Variants in TMEM67 observed in about 807,000 individuals in gnomAD.
TMEM67 encodes the protein transmembrane protein 67.
A neutral mutation model predicts 136.6 loss-of-function variants in TMEM67; 124 were observed. The observed-to-expected ratio is 0.91, with a 90% CI of 0.78 to 1.05. TMEM67 has a LOEUF of 1.05. TMEM67 is among the 50% of genes least tolerant of loss of function. TMEM67 has a pLI of 0.00. For missense variants in TMEM67, 1,107 were observed against 1,178.4 expected (o/e 0.94, Z 0.89); for synonymous variants, 364 against 390.5 (o/e 0.93, Z 0.80).
At chr8:93,830,247 G>A in the TMEM67 span, among the ~76,000 whole-genome samples, 1 of 152,162 alleles carries the variant, frequency 6.6e-6, no homozygotes, top group African/African-American at 2.4e-5. Context: ...CCTGGAGGGT[G>A]GAGTGCCTGT....
chr8:93,795,811 CA>C lies in TMEM67; in HGVS notation c.1774-81del, dbSNP rs534766152. 0.029 allele frequency: 29,445 copies of C among 1,025,676 alleles called. 481 individuals are homozygous for C. Among genetic ancestry groups the C allele is most frequent in the Non-Finnish European group, 0.036 (24,641 of 688,460 alleles). The allele number at this position is 1,025,676 out of a possible 1,614,324, so 63.5% of individuals were successfully genotyped here. ...GCAGCATACTGAGACCCTCCTTTCC[CA>C]AAAAAAAACAAAAACGAAAACAAAA... On this transcript the variant is annotated intron_variant, in intron 17 of 27. Transcript: ENST00000453321.
chr8:93,794,700 C>CT (rs1814528723), intron 16 of TMEM67: 1 of 152,354 alleles, frequency 6.6e-6, no homozygotes, highest in Non-Finnish European at 1.5e-5. Context: ...GAGAAATGAA[C>CT]TTTAAGTGGG....
intron 2 of TMEM67, chr8:93,757,104 T>TA (rs745627412): frequency 6.7e-6 from 1 of 148,910 alleles, no homozygotes. Context: ...AATAAATAAA[T>TA]AAATAAATAA....
intron 21 of TMEM67, among the ~76,000 whole-genome samples, chr8:93,803,304 T>G (rs1814947256): frequency 6.6e-6 from 1 of 152,152 alleles, no homozygotes; most frequent in Non-Finnish European, 1.5e-5. Context: ...CATTGATATA[T>G]CCTACATTTT....
chr8:93,787,441 C>T (rs1814164151), intron 13 of TMEM67, among the ~76,000 whole-genome samples: 1 of 152,126 alleles, frequency 6.6e-6, no homozygotes, highest in Non-Finnish European at 1.5e-5. Flanking sequence ...ATTCATCTTT[C>T]TCTTTTGAAA....
At chr8:93,816,082 T>A (rs1198768711) in intron 27 of TMEM67, among the ~76,000 whole-genome samples, 1 of 152,224 alleles carries the variant, frequency 6.6e-6, no homozygotes, top group African/African-American at 2.4e-5. Flanking sequence ...TTTCCGTAGT[T>A]TTAGACTTAG....
rs1808573321 is a variant in TMEM67 at position 93,808,840 on chromosome 8, G to A, written c.2440G>A (p.Glu814Lys). 2 of 1,597,054 alleles carry A rather than the reference G, an allele frequency of 1.3e-6. No individual in the cohort carries two copies. Among genetic ancestry groups the A allele is most frequent in the Non-Finnish European group, 8.6e-7 (1 of 1,165,350 alleles). ...TAACTTAAATTCTTTAACTTTTCAG[G>A]AAAATTTGTGTAGCCAGAGAGGTTT... ...EMNMNLKREA[E>K]NLCSQRGLVP... The change falls in exon 24 of 28, where the codon GAA (glutamate) becomes AAA (lysine). Residue 814 changes from glutamate (E) to lysine (K), a missense_variant and splice_region_variant. Physicochemically the swap from Glu to Lys is moderately conservative, Grantham distance 56. This residue lies in a region of TMEM67 where 925 missense variants were observed against 1,002.4 expected (regional missense o/e 0.92). Transcript: ENST00000453321.
Position 93,776,824 on chromosome 8 carries a change from G to T in TMEM67, c.715-3769G>T, listed in dbSNP as rs547440237. 2.6e-5 allele frequency among the ~76,000 whole-genome samples: 4 copies of T among 152,162 alleles called. No homozygotes were observed. In the South Asian group the frequency reaches 6.2e-4, roughly 24 times the overall value. The stretch of plus-strand genomic sequence containing the variant: ...TGGTCTAAAATTCTCTTTTTTTGTT[G>T]TATCTCTGCCAGGCTTTGGTATCAG... On this transcript the variant is annotated intron_variant, in intron 7 of 27. Transcript: ENST00000453321.
chr8:93,759,625 C>CT (rs1244195517), intron 3 of TMEM67: 9 of 158,834 alleles, frequency 5.7e-5, no homozygotes, highest in African/African-American at 9.7e-5. Flanking sequence ...TAGGCATATC[C>CT]TTTTTTTTAA....
the TMEM67 span, among the ~76,000 whole-genome samples, chr8:93,824,487 A>G: frequency 6.6e-6 from 1 of 152,118 alleles, no homozygotes; most frequent in African/African-American, 2.4e-5. Context: ...CTCCAAACCC[A>G]TTCCTCTTAT....
At chr8:93,782,301 T>C in intron 10 of TMEM67, 94 bp from the exon 11 acceptor site, 1 of 870,326 alleles carries the variant, frequency 1.1e-6, no homozygotes, top group Non-Finnish European at 1.9e-6. Flanking sequence ...ATAAGTATTA[T>C]GTAGAGCATA....
intron 9 of TMEM67, 48 bp from the exon 10 acceptor site, chr8:93,781,610 A>G (rs756736671): frequency 1.1e-6 from 1 of 872,134 alleles, no homozygotes; most frequent in East Asian, 2.5e-5. Flanking sequence ...AGGATATTGT[A>G]TTACTTTCAG....
At chr8:93,807,030 A>G (rs1308905298) in intron 23 of TMEM67, among the ~76,000 whole-genome samples, 1 of 152,146 alleles carries the variant, frequency 6.6e-6, no homozygotes. Context: ...ATAGACACTA[A>G]TAAAGCTCTA....
chr8:93,807,237 G>T (rs1048651514), intron 23 of TMEM67, among the ~76,000 whole-genome samples: 6 of 152,094 alleles, frequency 3.9e-5, no homozygotes, highest in African/African-American at 1.2e-4. Context: ...TATATACCAA[G>T]AGCTTTTTAA....
downstream of TMEM67, chr8:93,818,927 A>G (rs1808995633): frequency 2.8e-6 from 1 of 363,330 alleles, no homozygotes; most frequent in South Asian, 2.2e-5. Flanking sequence ...TCAGCCTCCC[A>G]AGTAGCTGGA....
intron 2 of TMEM67, among the ~76,000 whole-genome samples, chr8:93,757,635 C>CAA (rs879794660): frequency 3.2e-5 from 3 of 94,060 alleles, no homozygotes; most frequent in African/African-American, 3.9e-5. Flanking sequence ...GACTCTGTCT[C>CAA]AAAAAAAAAA....
chr8:93,783,849 A>G (rs557180063), intron 11 of TMEM67, among the ~76,000 whole-genome samples: 41 of 152,338 alleles, frequency 2.7e-4, no homozygotes, highest in Admixed American at 7.8e-4. Context: ...TATCATGAGA[A>G]CAGCATGAGG....
downstream of TMEM67, among the ~76,000 whole-genome samples, chr8:93,822,145 A>G (rs1431954386): frequency 6.6e-6 from 1 of 152,244 alleles, no homozygotes; most frequent in Non-Finnish European, 1.5e-5. Flanking sequence ...CATCACATCA[A>G]TAAGGAAGAC....
chr8:93,755,872 C>G lies in TMEM67; in HGVS notation c.312+6C>G, dbSNP rs1325772835. 2 of 1,522,328 alleles carry G rather than the reference C, an allele frequency of 1.3e-6. No homozygotes were observed. Among genetic ancestry groups the G allele is most frequent in the Non-Finnish European group, 1.8e-6 (2 of 1,106,674 alleles). 94.3% of individuals were successfully genotyped at this position (1,522,328 alleles called of 1,614,324 possible). On this transcript the variant is annotated splice_donor_region_variant and intron_variant, in intron 2 of 27. Coordinates refer to ENST00000453321, the MANE Select transcript of TMEM67 (RefSeq NM_153704.6). ...AAAAGTGCCCAGAAAACATGGTGCG[C>G]ATAATTTATTTTAAAATAACTTACC...
Sources: gnomAD v4.1 joint callset for allele counts (sites outside exome capture counted in the v4.1 genomes callset) on GRCh38, gnomAD v4.1.1 for gene constraint, gnomAD v4.1.1 regional missense constraint, MANE v1.5 for transcripts, NCBI Gene and HGNC (gene_info 2026-07-23, HGNC 2026-07-21) for gene names.